The following EPHA2 variants were observed in gnomAD, a reference collection of about 807,000 sequenced individuals.
EPHA2 encodes ephrin type-A receptor 2.
Under a neutral mutation model 104.9 loss-of-function variants are expected in EPHA2, and 54 were observed. The observed-to-expected ratio is 0.51, with a 90% CI of 0.41 to 0.65. The LOEUF (loss-of-function observed/expected upper bound fraction) is 0.65, where lower values mean the gene tolerates loss of function less well. EPHA2 is among the 30% of genes least tolerant of loss of function. The pLI, the probability that EPHA2 is intolerant of heterozygous loss-of-function variation, is 0.00. For missense variants in EPHA2, 1,117 were observed against 1,369.5 expected (o/e 0.82, Z 2.91); for synonymous variants, 560 against 559.1 (o/e 1.00, Z -0.02).
chr1:16,129,791 T>C (rs1339856880), intron 15 of EPHA2, among the ~76,000 whole-genome samples: 3 of 152,188 alleles, frequency 2.0e-5, no homozygotes, highest in Admixed American at 6.5e-5. Flanking sequence ...TAACTACTGC[T>C]GCCCCTCCAC....
At position 16,130,071 on chromosome 1, in the gene EPHA2, G is replaced by T. The variant is rs142499592; in HGVS notation, c.2669+155C>A. Among the ~76,000 whole-genome samples the T allele has an allele frequency of 2.4e-4, 37 of 152,302 alleles. No individual in the cohort carries two copies. The highest frequency in any genetic ancestry group is 8.4e-4 in the African/African-American group (35 of 41,576). On this transcript the variant is annotated intron_variant, in intron 15 of 16. Transcript: ENST00000358432. This position sits in a 1 kb window ranked among gnomAD's most constrained non-coding sequence, Gnocchi z 4.5. ...GGTTGCTTCTATTAGGATTTCCTGG[G>T]CCATCGTGTCCAGTCTAAGTCAAGT...
In EPHA2 at chr1:16,134,746, A is replaced by G. The variant is rs2024648547; in HGVS notation, c.1583-179T>C. Among the ~76,000 whole-genome samples, 2 of 152,140 alleles carry G rather than the reference A, an allele frequency of 1.3e-5. No individual in the cohort carries two copies. Among genetic ancestry groups the G allele is most frequent in the South Asian group, 2.1e-4 (1 of 4,824 alleles). On this transcript the variant is annotated intron_variant, in intron 7 of 16. Coordinates refer to ENST00000358432, the MANE Select transcript of EPHA2 (RefSeq NM_004431.5). This position sits in a 1 kb window ranked among gnomAD's most constrained non-coding sequence, Gnocchi z 4.5. Reference sequence around the variant, plus strand: ...AAGCGGAGGCCTTCCCGAAGGTCTCACGGGAGGTATTGCAGGTATGTGGGG... The same window carrying G: ...AAGCGGAGGCCTTCCCGAAGGTCTCGCGGGAGGTATTGCAGGTATGTGGGG...
chr1:16,131,581 C>CAAA lies in EPHA2; in HGVS notation c.2475+137_2475+139dup. 1.3e-5 allele frequency: 13 copies of CAAA among 1,003,444 alleles called. No individual in the cohort carries two copies. Among genetic ancestry groups the CAAA allele is most frequent in the African/African-American group, 8.8e-5 (5 of 56,834 alleles). The allele number at this position is 1,003,444 out of a possible 1,614,324, so 62.2% of individuals were successfully genotyped here. On this transcript the variant is annotated intron_variant, in intron 14 of 16. Coordinates refer to ENST00000358432, the MANE Select transcript of EPHA2 (RefSeq NM_004431.5). This position sits in a 1 kb window ranked among gnomAD's most constrained non-coding sequence, Gnocchi z 5.2. Reference sequence around the variant, plus strand: ...GGCAACAAGAGCAAAACTCCGTCTCCAAAAAAAAAAAATAAACATTTATGG... The same window carrying CAAA: ...GGCAACAAGAGCAAAACTCCGTCTCCAAAAAAAAAAAAAAATAAACATTTATGG...
chr1:16,154,093 G>C (rs1355654913), intron 1 of EPHA2, among the ~76,000 whole-genome samples: 1 of 152,084 alleles, frequency 6.6e-6, no homozygotes, highest in Non-Finnish European at 1.5e-5. Flanking sequence ...GCAGCTCCAG[G>C]CTTCCAGGCC....
At chr1:16,126,494 C>T (rs1224810452) in intron 16 of EPHA2, among the ~76,000 whole-genome samples, 1 of 152,200 alleles carries the variant, frequency 6.6e-6, no homozygotes, top group African/African-American at 2.4e-5. Flanking sequence ...GGGGGGACTC[C>T]AGGACCTCCC....
chr1:16,132,334 C>T (rs368942223), intron 12 of EPHA2, 44 bp downstream of exon 12: 4 of 1,614,144 alleles, frequency 2.5e-6, no homozygotes, highest in Non-Finnish European at 3.4e-6. Flanking sequence ...CAGCCCCGGG[C>T]TCAATGGCCA....
In EPHA2 at chr1:16,134,180, G is replaced by T. The variant is rs2024635809; in HGVS notation, c.1683-265C>A. ...GGCCCCTTAAGCAGTCGTGACGAAG[G>T]CATTCCCATTAGAGCTACTCGGGGA... On this transcript the variant is annotated intron_variant, in intron 8 of 16. Transcript: ENST00000358432. The surrounding 1 kb of genome is among the most constrained non-coding windows in gnomAD (Gnocchi z 4.5). Among the ~76,000 whole-genome samples, 1 of 152,140 alleles carries T rather than the reference G, an allele frequency of 6.6e-6. No individual in the cohort carries two copies. Among genetic ancestry groups the T allele is most frequent in the Admixed American group, 6.5e-5 (1 of 15,278 alleles).
chr1:16,132,122 G>T lies in EPHA2; in HGVS notation c.2267C>A (p.Ser756Tyr), dbSNP rs746899152. 6.2e-7 allele frequency: 1 copy of T among 1,614,234 alleles called. No individual in the cohort carries two copies. Among genetic ancestry groups the T allele is most frequent in the Non-Finnish European group, 8.5e-7 (1 of 1,180,038 alleles). Residue 756 changes from serine to tyrosine, a missense_variant, in exon 13 of 17, where the codon TCT (serine) becomes TAT (tyrosine). By Grantham distance (144) the Ser-to-Tyr change is moderately radical (BLOSUM62 -2). Around this residue, in one of 3 missense-constraint regions of EPHA2, gnomAD observed 340 missense variants for 480.5 expected, o/e 0.71. Transcript: ENST00000358432. ...LVNSNLVCKVSDFGLSRVLED... is the reference protein window; with the variant it reads ...LVNSNLVCKVYDFGLSRVLED... ...CAGCACGCGGGACAGGCCAAAGTCA[G>T]ACACCTTGCAGACCAGGTTGCTGTT...
chr1:16,152,145 G>C (rs1005413863), intron 1 of EPHA2, among the ~76,000 whole-genome samples: 1 of 152,200 alleles, frequency 6.6e-6, no homozygotes, highest in Non-Finnish European at 1.5e-5. Flanking sequence ...CCAAGTCAAT[G>C]CTTCCTTTGG....
intron 3 of EPHA2, among the ~76,000 whole-genome samples, chr1:16,143,191 A>ATGG (rs1557512021): frequency 0.023 from 672 of 28,876 alleles, 3 homozygotes; most frequent in Middle Eastern, 0.12. Context: ...TGGATGGATG[A>ATGG]ATGGATGGAT....
At chr1:16,136,713 A>AAAGAAGAAAAGAAGAAGAAGAAG (rs2024706477) in intron 5 of EPHA2, among the ~76,000 whole-genome samples, 1 of 102,734 alleles carries the variant, frequency 9.7e-6, no homozygotes, top group Non-Finnish European at 1.8e-5. Context: ...AAGAAGAAGA[A>AAAGAAGAAAAGAAGAAGAAGAAG]AAGAAGAAGA....
In EPHA2 at chr1:16,135,205, C is replaced by T; in HGVS notation, c.1429-16G>A. 10 of 1,613,092 alleles carry T rather than the reference C, an allele frequency of 6.2e-6. No individual in the cohort carries two copies. The highest frequency in any genetic ancestry group is 8.5e-6 in the Non-Finnish European group (10 of 1,179,854). On this transcript the variant is annotated splice_polypyrimidine_tract_variant and intron_variant, in intron 6 of 16. Transcript: ENST00000358432. The surrounding 1 kb of genome is among the most constrained non-coding windows in gnomAD (Gnocchi z 4.3). The stretch of plus-strand genomic sequence containing the variant: ...TGGAGTCTCCCTGTGGGTGGGTGGC[C>T]GGCGGAGGAGCAGGCAGTGAGGGCA...
rs372204967 is a variant in EPHA2 at position 16,133,930 on chromosome 1, C to T, written c.1683-15G>A. ...GGTTCTTCCTCCTGAAAGAGCCCCA[C>T]GGGGAACCAAATGCAGGGAGGTCAG... On this transcript the variant is annotated splice_polypyrimidine_tract_variant and intron_variant, in intron 8 of 16. Coordinates refer to ENST00000358432, the MANE Select transcript of EPHA2 (RefSeq NM_004431.5). 6.4e-5 allele frequency: 99 copies of T among 1,550,646 alleles called. No homozygotes were observed. The highest frequency in any genetic ancestry group is 2.7e-4 in the South Asian group (23 of 83,916).
Position 16,134,117 on chromosome 1 carries a change from G to A in EPHA2, c.1683-202C>T, listed in dbSNP as rs116590660. On this transcript the variant is annotated intron_variant, in intron 8 of 16. Transcript: ENST00000358432. The surrounding 1 kb of genome is among the most constrained non-coding windows in gnomAD (Gnocchi z 4.5). ...GTGGAGGAACAGGGAGGAAGTGAGC[G>A]AGCCAGGACTCCCTCTCCAGGATCT... Among the ~76,000 whole-genome samples, 1,182 of 152,196 alleles carry A rather than the reference G, an allele frequency of 7.8e-3. 12 individuals carry two copies. Among genetic ancestry groups the A allele is most frequent in the African/African-American group, 0.027 (1,101 of 41,544 alleles).
At chr1:16,151,646 G>A (rs946337064) in intron 1 of EPHA2, among the ~76,000 whole-genome samples, 1 of 152,152 alleles carries the variant, frequency 6.6e-6, no homozygotes, top group Non-Finnish European at 1.5e-5. Flanking sequence ...TGGACCCATA[G>A]GGCCCCTAAG....
intron 1 of EPHA2, among the ~76,000 whole-genome samples, chr1:16,154,762 A>AG (rs1366958358): frequency 6.8e-6 from 1 of 147,174 alleles, no homozygotes; most frequent in Admixed American, 6.7e-5. Flanking sequence ...GTCTCAAAAA[A>AG]AAAAAAAAAA....
At chr1:16,129,640 G>T in intron 15 of EPHA2, 51 bp from the exon 16 acceptor site, 1 of 1,570,434 alleles carries the variant, frequency 6.4e-7, no homozygotes, top group East Asian at 2.3e-5. Flanking sequence ...AGTCCACCCT[G>T]GGCCCTGCAC....
Position 16,148,369 on chromosome 1 carries a change from G to A in EPHA2, c.823+9C>T, listed in dbSNP as rs781397937. ...ACCCCCTTCCCTGCAACCCAGAACCGTCACTCACCCTGGCAGGCATCCTCC... is the reference window on the plus strand; with the variant it reads ...ACCCCCTTCCCTGCAACCCAGAACCATCACTCACCCTGGCAGGCATCCTCC... On this transcript the variant is annotated intron_variant, in intron 3 of 16. Coordinates refer to ENST00000358432, the MANE Select transcript of EPHA2 (RefSeq NM_004431.5). This position sits in a 1 kb window ranked among gnomAD's most constrained non-coding sequence, Gnocchi z 4.9. 17 of 1,613,208 alleles carry A rather than the reference G, an allele frequency of 1.1e-5. No individual in the cohort carries two copies. Among genetic ancestry groups the A allele is most frequent in the African/African-American group, 2.7e-5 (2 of 74,894 alleles).
chr1:16,136,783 T>C (rs1167382522), intron 5 of EPHA2, among the ~76,000 whole-genome samples: 1 of 115,578 alleles, frequency 8.7e-6, no homozygotes, highest in Non-Finnish European at 2.0e-5. Context: ...GAACTAACTT[T>C]TGCTGAATGC....
Sources: gnomAD v4.1 joint callset for allele counts (sites outside exome capture counted in the v4.1 genomes callset) on GRCh38, gnomAD v4.1.1 for gene constraint, gnomAD v4.1.1 regional missense constraint, Gnocchi (gnomAD v3.1) non-coding constraint, MANE v1.5 for transcripts, NCBI Gene and HGNC (gene_info 2026-07-23, HGNC 2026-07-21) for gene names.